The following SLC35F4 variants were observed in gnomAD, a reference collection of about 807,000 sequenced individuals.
The protein encoded by SLC35F4 is chromosome 14 open reading frame 36.
SLC35F4 carries 24 observed loss-of-function variants against 44.2 expected under a neutral mutation model. That is an observed-to-expected ratio of 0.54 (90% CI 0.39 to 0.76). SLC35F4 has a LOEUF of 0.76. Among genes scored for constraint, SLC35F4 ranks in the 30% least tolerant of loss-of-function variants. The pLI is 0.00. For synonymous variants in SLC35F4, 238 were observed against 223.6 expected (o/e 1.06, Z -0.57); for missense variants, 562 against 586.1 (o/e 0.96, Z 0.42).
chr14:57,605,227 A>T (rs932428004), intron 1 of SLC35F4, among the ~76,000 whole-genome samples: 1 of 152,230 alleles, frequency 6.6e-6, no homozygotes, highest in African/African-American at 2.4e-5. Flanking sequence ...AAGGTCTATT[A>T]TCCAGAATCT....
At chr14:57,750,392 T>A (rs1275879113) in intron 1 of SLC35F4, among the ~76,000 whole-genome samples, 2 of 152,164 alleles carry the variant, frequency 1.3e-5, no homozygotes, top group Non-Finnish European at 2.9e-5. Context: ...TACTTTTCCT[T>A]TGGATAGATA....
chr14:57,777,694 G>A (rs2077522280), intron 1 of SLC35F4, among the ~76,000 whole-genome samples: 1 of 151,984 alleles, frequency 6.6e-6, no homozygotes, highest in African/African-American at 2.4e-5. Context: ...ACGAGTTGAT[G>A]AGTGCAGCAA....
chr14:57,934,254 C>T (rs948134233), intron 1 of SLC35F4, among the ~76,000 whole-genome samples: 1 of 150,914 alleles, frequency 6.6e-6, no homozygotes, highest in African/African-American at 2.4e-5. Flanking sequence ...TTTTGTCCCC[C>T]ATTAACTAGG....
chr14:57,696,443 A>G (rs2075385924), intron 1 of SLC35F4, among the ~76,000 whole-genome samples: 1 of 152,256 alleles, frequency 6.6e-6, no homozygotes, highest in African/African-American at 2.4e-5. Flanking sequence ...ATGTGGAGAA[A>G]TAGGAATGGT....
At chr14:57,719,745 T>C (rs2076036928) in intron 1 of SLC35F4, among the ~76,000 whole-genome samples, 1 of 152,310 alleles carries the variant, frequency 6.6e-6, no homozygotes, top group African/African-American at 2.4e-5. Context: ...TATAAGATGG[T>C]AGCATCTGCA....
At chr14:57,602,869 G>T (rs1232438774) in intron 1 of SLC35F4, among the ~76,000 whole-genome samples, 1 of 152,094 alleles carries the variant, frequency 6.6e-6, no homozygotes, top group Admixed American at 6.6e-5. Flanking sequence ...TCTCCCTCCA[G>T]CATCAAGCTT....
At chr14:57,734,129 G>C (rs979247711) in intron 1 of SLC35F4, among the ~76,000 whole-genome samples, 1 of 152,058 alleles carries the variant, frequency 6.6e-6, no homozygotes, top group African/African-American at 2.4e-5. Context: ...CCCCATCCCT[G>C]GGAACATTGA....
At chr14:57,675,466 C>A (rs1052268343) in intron 1 of SLC35F4, among the ~76,000 whole-genome samples, 1 of 152,002 alleles carries the variant, frequency 6.6e-6, no homozygotes, top group East Asian at 1.9e-4. Flanking sequence ...CAAACGGCAA[C>A]AATTTGACTT....
intron 1 of SLC35F4, among the ~76,000 whole-genome samples, chr14:57,684,582 T>C (rs1418086816): frequency 6.6e-6 from 1 of 152,140 alleles, no homozygotes; most frequent in Non-Finnish European, 1.5e-5. Context: ...TGTAGCTGGG[T>C]TCCTAACAGG....
intron 1 of SLC35F4, among the ~76,000 whole-genome samples, chr14:57,896,542 T>C (rs1232749040): frequency 6.6e-6 from 1 of 152,170 alleles, no homozygotes; most frequent in Non-Finnish European, 1.5e-5. Context: ...GTGATGTATA[T>C]GTATATGCAC....
chr14:57,768,097 C>T (rs1208419238), intron 1 of SLC35F4, among the ~76,000 whole-genome samples: 2 of 151,916 alleles, frequency 1.3e-5, no homozygotes, highest in African/African-American at 2.4e-5. Context: ...TAATCTCTTC[C>T]AAAAAAATAG....
chr14:57,866,569 G>GT (rs974813165), upstream of SLC35F4, among the ~76,000 whole-genome samples: 2 of 152,188 alleles, frequency 1.3e-5, no homozygotes, highest in African/African-American at 4.8e-5. Context: ...CGCAAAGACT[G>GT]TAAGTGTTCA....
chr14:57,785,462 C>T lies in SLC35F4; in HGVS notation c.103+80261G>A, dbSNP rs935636233. Reference sequence around the variant, plus strand: ...TTGCAGTTCTGTACAGAGCAGTATGCGGAGGCTTGTGTTGTGAATTTTAGC... The same window carrying T: ...TTGCAGTTCTGTACAGAGCAGTATGTGGAGGCTTGTGTTGTGAATTTTAGC... On this transcript the variant is annotated intron_variant, in intron 1 of 7. Transcript: ENST00000556826. Among the ~76,000 whole-genome samples the T allele has an allele frequency of 3.3e-5, 5 of 152,242 alleles. No individual in the cohort carries two copies. In the South Asian group the frequency reaches 6.2e-4, roughly 19 times the overall value.
chr14:57,958,424 C>T (rs1890280560), intron 1 of SLC35F4, among the ~76,000 whole-genome samples: 1 of 152,122 alleles, frequency 6.6e-6, no homozygotes, highest in African/African-American at 2.4e-5. Context: ...TGCATGGTTT[C>T]ATTTATATGA....
chr14:57,893,626 T>C (rs769266158), intron 1 of SLC35F4, among the ~76,000 whole-genome samples: 12 of 152,134 alleles, frequency 7.9e-5, no homozygotes, highest in Non-Finnish European at 1.5e-4. Flanking sequence ...TTAAGCTCTC[T>C]ATGTCCAAGC....
intron 1 of SLC35F4, among the ~76,000 whole-genome samples, chr14:57,704,038 A>G (rs1039434769): frequency 1.3e-5 from 2 of 152,168 alleles, no homozygotes; most frequent in African/African-American, 4.8e-5. Flanking sequence ...CTTGACCCCA[A>G]AGTATTTCTC....
In SLC35F4 at chr14:57,682,686, G is replaced by T. The variant is rs80173610; in HGVS notation, c.104-88562C>A. On this transcript the variant is annotated intron_variant, in intron 1 of 7. Transcript: ENST00000556826. ...CGGTTTTTGCTACTTACTTGGCAAA[G>T]AAATTTTAAATTATAATACCCAGTG... Among the ~76,000 whole-genome samples, 1,026 of 151,432 alleles carry T rather than the reference G, an allele frequency of 6.8e-3. 13 individuals are homozygous for T. The highest frequency in any genetic ancestry group is 0.024 in the African/African-American group (985 of 41,254).
intron 1 of SLC35F4, among the ~76,000 whole-genome samples, chr14:57,941,079 T>G (rs1371828011): frequency 6.6e-6 from 1 of 152,182 alleles, no homozygotes; most frequent in Non-Finnish European, 1.5e-5. Flanking sequence ...CTTGGAACCC[T>G]TGTACATTAC....
intron 1 of SLC35F4, among the ~76,000 whole-genome samples, chr14:57,797,431 G>A (rs1434775124): frequency 6.6e-6 from 1 of 152,198 alleles, no homozygotes; most frequent in East Asian, 1.9e-4. Context: ...ACTGTAGAAT[G>A]TCCTCATCCC....
Sources: allele counts gnomAD v4.1 joint callset (sites outside exome capture counted in the v4.1 genomes callset), GRCh38; gene constraint gnomAD v4.1.1; transcripts MANE v1.5; gene names NCBI Gene and HGNC (gene_info 2026-07-23, HGNC 2026-07-21).